The following PITPNC1 variants were observed in gnomAD, a reference collection of about 807,000 sequenced individuals.
PITPNC1 encodes the protein phosphatidylinositol transfer protein cytoplasmic 1, also known as cytoplasmic phosphatidylinositol transfer protein 1.
PITPNC1 carries 18 observed loss-of-function variants against 44.7 expected under a neutral mutation model. The observed-to-expected ratio is 0.40, with a 90% CI of 0.28 to 0.60. The LOEUF (loss-of-function observed/expected upper bound fraction) is 0.60, where lower values mean the gene tolerates loss of function less well. PITPNC1 is among the 20% of genes least tolerant of loss of function. The pLI is 0.39. For synonymous variants in PITPNC1, 141 were observed against 149.6 expected (o/e 0.94, Z 0.42); for missense variants, 290 against 418.4 (o/e 0.69, Z 2.68).
intron 4 of PITPNC1, among the ~76,000 whole-genome samples, chr17:67,575,781 CT>C (rs59356769): frequency 0.66 from 79,767 of 120,330 alleles, 27,054 homozygotes; most frequent in East Asian, 0.8. Context: ...TTCTTTCTTT[CT>C]TTTCTTTCTT....
At chr17:67,464,851 T>C (rs1234594593) in intron 1 of PITPNC1, among the ~76,000 whole-genome samples, 1 of 152,054 alleles carries the variant, frequency 6.6e-6, no homozygotes, top group Admixed American at 6.6e-5. Context: ...GCAATTCTCC[T>C]GTCTCAGCCT....
At chr17:67,392,394 C>T (rs1292429780) in intron 1 of PITPNC1, among the ~76,000 whole-genome samples, 1 of 152,116 alleles carries the variant, frequency 6.6e-6, no homozygotes, top group East Asian at 1.9e-4. Flanking sequence ...TTTATAGTCA[C>T]ACTGCATGTG....
intron 1 of PITPNC1, among the ~76,000 whole-genome samples, chr17:67,500,920 G>T (rs532049891): frequency 6.6e-6 from 1 of 151,996 alleles, no homozygotes; most frequent in Non-Finnish European, 1.5e-5. Context: ...AAACTCCTGG[G>T]CTCAAGCAGT....
At chr17:67,379,408 A>T in intron 1 of PITPNC1, 1 of 981,156 alleles carries the variant, frequency 1.0e-6, no homozygotes, top group Non-Finnish European at 1.2e-6. Flanking sequence ...ACCCAAGTAC[A>T]ATCCAAGACA....
Position 67,512,681 on chromosome 17 carries a change from G to A in PITPNC1, c.49-20121G>A, listed in dbSNP as rs376632802. ...TCTAAACTCCTTGATCACAAGGACC[G>A]TATTATCCATCCTCACATCTTTGGT... On this transcript the variant is annotated intron_variant, in intron 1 of 8. Coordinates refer to ENST00000581322, the MANE Select transcript of PITPNC1 (RefSeq NM_012417.4). Among the ~76,000 whole-genome samples, 52 of 151,814 alleles carry A rather than the reference G, an allele frequency of 3.4e-4. 1 individual carries two copies. In the South Asian group the frequency reaches 0.01, roughly 30 times the overall value.
chr17:67,396,708 A>C (rs952585641), intron 1 of PITPNC1, among the ~76,000 whole-genome samples: 1 of 151,878 alleles, frequency 6.6e-6, no homozygotes, highest in African/African-American at 2.4e-5. Flanking sequence ...TCTGTTGCCC[A>C]GACTGGAGTG....
intron 6 of PITPNC1, among the ~76,000 whole-genome samples, chr17:67,651,792 G>T (rs1567759416): frequency 1.3e-5 from 2 of 152,106 alleles, no homozygotes; most frequent in Admixed American, 6.5e-5. Context: ...ATATGAATAG[G>T]GTCACTTAAT....
chr17:67,599,016 ATATATATATATATATATATTT>A (rs1410202164), intron 5 of PITPNC1, among the ~76,000 whole-genome samples: 9 of 33,990 alleles, frequency 2.6e-4, no homozygotes, highest in African/African-American at 1.3e-3. Context: ...ATATATATAT[ATATATATATATATATATATTT>A]TTTTTTTTTT....
At chr17:67,683,193 G>A (rs996036283) in intron 8 of PITPNC1, among the ~76,000 whole-genome samples, 3 of 139,354 alleles carry the variant, frequency 2.2e-5, no homozygotes, top group African/African-American at 2.7e-5. Context: ...AAAAAGAGTT[G>A]ATACACATAA....
chr17:67,579,031 T>C (rs1001178158), intron 5 of PITPNC1, among the ~76,000 whole-genome samples: 1 of 152,336 alleles, frequency 6.6e-6, no homozygotes, highest in African/African-American at 2.4e-5. Context: ...TGTGTGTGCA[T>C]ACTGCATGCA....
At chr17:67,549,334 G>A (rs1320724804) in intron 2 of PITPNC1, among the ~76,000 whole-genome samples, 5 of 152,264 alleles carry the variant, frequency 3.3e-5, no homozygotes, top group African/African-American at 4.8e-5. Context: ...CCAAGATTGC[G>A]CCACTGCACT....
At chr17:67,691,693 T>A (rs1271146524) in intron 8 of PITPNC1, among the ~76,000 whole-genome samples, 1 of 152,096 alleles carries the variant, frequency 6.6e-6, no homozygotes, top group East Asian at 1.9e-4. Context: ...AATAAAAAAG[T>A]ATATGTATTG....
intron 8 of PITPNC1, among the ~76,000 whole-genome samples, chr17:67,683,264 T>C (rs1252310701): frequency 6.6e-6 from 1 of 151,968 alleles, no homozygotes; most frequent in African/African-American, 2.4e-5. Flanking sequence ...ACTCTGATCA[T>C]TGAAAATCAA....
chr17:67,475,440 A>G (rs2039612709), intron 1 of PITPNC1, among the ~76,000 whole-genome samples: 1 of 152,148 alleles, frequency 6.6e-6, no homozygotes, highest in Non-Finnish European at 1.5e-5. Context: ...TGACTGTCCA[A>G]AGATGCTTGC....
chr17:67,470,577 G>C (rs1011235085), intron 1 of PITPNC1, among the ~76,000 whole-genome samples: 2 of 72,642 alleles, frequency 2.8e-5, no homozygotes, highest in East Asian at 2.9e-4. Context: ...GGAGGGAGGT[G>C]GGGGGGGTCA....
intron 1 of PITPNC1, among the ~76,000 whole-genome samples, chr17:67,380,451 T>C (rs751012363): frequency 6.6e-6 from 1 of 152,210 alleles, no homozygotes. Context: ...AATTCTTTAA[T>C]GTATAATTCA....
At chr17:67,683,162 CAAAAAAA>C (rs901577194) in intron 8 of PITPNC1, among the ~76,000 whole-genome samples, 1 of 41,528 alleles carries the variant, frequency 2.4e-5, no homozygotes, top group Non-Finnish European at 5.4e-5. Context: ...AACTGAGTCT[CAAAAAAA>C]AAAAAAAAAA....
chr17:67,382,240 TA>T (rs1660213495), intron 1 of PITPNC1, among the ~76,000 whole-genome samples: 1 of 152,052 alleles, frequency 6.6e-6, no homozygotes, highest in Non-Finnish European at 1.5e-5. Flanking sequence ...TTTTAACACA[TA>T]AAATGTTCTC....
At chr17:67,422,644 T>A (rs1401239952) in intron 1 of PITPNC1, among the ~76,000 whole-genome samples, 2 of 152,038 alleles carry the variant, frequency 1.3e-5, no homozygotes. Flanking sequence ...ACCTCCCAGG[T>A]TCAAGAGATT....
Sources: gnomAD v4.1 joint callset for allele counts (sites outside exome capture counted in the v4.1 genomes callset) on GRCh38, gnomAD v4.1.1 for gene constraint, MANE v1.5 for transcripts, NCBI Gene and HGNC (gene_info 2026-07-23, HGNC 2026-07-21) for gene names.